Variants in VPS13B observed in about 807,000 individuals in gnomAD.
The protein encoded by VPS13B is intermembrane lipid transfer protein VPS13B.
VPS13B carries 285 observed loss-of-function variants against 426.4 expected under a neutral mutation model. The observed-to-expected ratio is 0.67, with a 90% CI of 0.61 to 0.74. The LOEUF is 0.74. VPS13B is among the 30% of genes least tolerant of loss of function. VPS13B has a pLI of 0.00. For synonymous variants in VPS13B, 1,676 were observed against 1,676.4 expected (o/e 1.00, Z 0.01); for missense variants, 4,537 against 4,782.6 (o/e 0.95, Z 1.51).
At chr8:99,570,229 T>C (rs774795705) in intron 31 of VPS13B, among the ~76,000 whole-genome samples, 3 of 152,194 alleles carry the variant, frequency 2.0e-5, no homozygotes, top group Non-Finnish European at 4.4e-5. Context: ...CTATGAATTC[T>C]TATATTTCAT....
At chr8:99,679,467 T>A (rs1831070696) in intron 35 of VPS13B, among the ~76,000 whole-genome samples, 1 of 152,178 alleles carries the variant, frequency 6.6e-6, no homozygotes, top group African/African-American at 2.4e-5. Flanking sequence ...TTGGGGAGGA[T>A]TATGAAATTT....
chr8:99,102,993 A>G lies in VPS13B; in HGVS notation c.453A>G (p.Val151=), dbSNP rs148436198. The G allele has an allele frequency of 3.1e-6, 5 of 1,611,994 alleles. No individual in the cohort carries two copies. The African/African-American group carries it at 6.7e-5, about 22-fold the overall frequency. ...TGATTAGACGAGTTGTAAATAATGT[A>G]AACATTGTGATAAATAATCTCATAC... ...QSLIRRVVNN[V]NIVINNLILK... The change falls in exon 5 of 62, where the codon GTA becomes GTG. Residue 151 remains valine (V), a synonymous_variant. Coordinates refer to ENST00000357162, the MANE Select transcript of VPS13B (RefSeq NM_152564.5).
At chr8:99,666,001 G>A (rs1047098681) in intron 35 of VPS13B, among the ~76,000 whole-genome samples, 2 of 152,136 alleles carry the variant, frequency 1.3e-5, no homozygotes, top group African/African-American at 4.8e-5. Flanking sequence ...TCATTGAGCA[G>A]TGGTTTGTAG....
intron 31 of VPS13B, among the ~76,000 whole-genome samples, chr8:99,568,289 TA>T (rs372790533): frequency 0.13 from 19,865 of 147,738 alleles, 1,655 homozygotes; most frequent in East Asian, 0.3. Flanking sequence ...TTATTATTAT[TA>T]TTATTATTAT....
At chr8:99,302,518 T>A (rs1037274052) in intron 19 of VPS13B, among the ~76,000 whole-genome samples, 1 of 152,180 alleles carries the variant, frequency 6.6e-6, no homozygotes, top group Admixed American at 6.5e-5. Context: ...ATTGATTTTT[T>A]TTTTTATTAA....
chr8:99,607,915 T>C (rs781759155), intron 33 of VPS13B, among the ~76,000 whole-genome samples: 2 of 152,146 alleles, frequency 1.3e-5, no homozygotes, highest in Non-Finnish European at 2.9e-5. Flanking sequence ...ACTGGCATTT[T>C]CTCAAATTTG....
chr8:99,464,096 G>A (rs902327866), intron 23 of VPS13B, among the ~76,000 whole-genome samples: 11 of 152,152 alleles, frequency 7.2e-5, no homozygotes, highest in African/African-American at 2.2e-4. Flanking sequence ...TCTCTCGAGT[G>A]TTATACTCAC....
chr8:99,871,164 A>G (rs1817389366), intron 60 of VPS13B: 2 of 602,024 alleles, frequency 3.3e-6, no homozygotes, highest in Non-Finnish European at 5.8e-6. Flanking sequence ...AGGGCCTGAG[A>G]TTCCCTGTGG....
Position 99,875,579 on chromosome 8 carries a change from T to C in VPS13B, c.11907T>C (p.His3969=). Residue 3969 remains histidine, a synonymous_variant, in exon 62 of 62, where the codon CAT becomes CAC. Transcript: ENST00000357162. ...CCCCCTCCACTGTTAAAACATACCATTACCTGGTTGATCCACATTTTGCTC... is the reference window on the plus strand; with the variant it reads ...CCCCCTCCACTGTTAAAACATACCACTACCTGGTTGATCCACATTTTGCTC... ...EPPPSTVKTY[H]YLVDPHFAQV... The C allele has an allele frequency of 6.2e-7, 1 of 1,614,174 alleles. No homozygotes were observed.
chr8:99,058,300 T>A lies in VPS13B; in HGVS notation c.291+19734T>A, dbSNP rs183561655. Reference sequence around the variant, plus strand: ...AAAAAAATATAATGCCCCCTTTTTTTATTTTTGTTTTAGAAAATATAGCTA... The same window carrying A: ...AAAAAAATATAATGCCCCCTTTTTTAATTTTTGTTTTAGAAAATATAGCTA... On this transcript the variant is annotated intron_variant, in intron 3 of 61. Transcript: ENST00000357162. Among the ~76,000 whole-genome samples, 956 of 151,998 alleles carry A rather than the reference T, an allele frequency of 6.3e-3. 5 individuals are homozygous for A. The highest frequency in any genetic ancestry group is 0.022 in the African/African-American group (896 of 41,552).
intron 17 of VPS13B, among the ~76,000 whole-genome samples, chr8:99,231,187 T>C (rs1478741529): frequency 6.6e-6 from 1 of 152,246 alleles, no homozygotes; most frequent in East Asian, 1.9e-4. Context: ...GCTGTTAGTT[T>C]CATGTATAGA....
chr8:99,122,950 T>TAA (rs1367192547), intron 8 of VPS13B, among the ~76,000 whole-genome samples: 2 of 142,214 alleles, frequency 1.4e-5, no homozygotes, highest in African/African-American at 2.6e-5. Flanking sequence ...CCATCTCTAC[T>TAA]AAAAAAAAAA....
intron 33 of VPS13B, among the ~76,000 whole-genome samples, chr8:99,593,143 A>G (rs1033863606): frequency 2.0e-5 from 3 of 152,138 alleles, no homozygotes; most frequent in Non-Finnish European, 4.4e-5. Flanking sequence ...AAAATGGGAG[A>G]AAAATTTTGC....
rs727504216 is a variant in VPS13B at position 99,121,315 on chromosome 8, A to G, written c.1076A>G (p.Tyr359Cys). 6.8e-6 allele frequency: 11 copies of G among 1,614,180 alleles called. No individual in the cohort carries two copies. In the African/African-American group the frequency reaches 1.5e-4, roughly 22 times the overall value. ...AWSFVPAIVSYDDGEEDFVGN... is the reference protein window; with the variant it reads ...AWSFVPAIVSCDDGEEDFVGN... ...TCCTTTGTGCCTGCAATTGTGAGTT[A>G]TGACGATGGCGAGGAAGACTTTGTT... is the stretch of plus-strand genomic sequence containing the variant. Residue 359 changes from tyrosine to cysteine, a missense_variant, in exon 8 of 62, where the codon TAT (tyrosine) becomes TGT (cysteine). Around this residue, in one of 2 missense-constraint regions of VPS13B, gnomAD observed 4,311 missense variants for 4,474.3 expected, o/e 0.96. Transcript: ENST00000357162.
rs149699945 is a variant in VPS13B at position 99,321,530 on chromosome 8, G to A, written c.2824+46276G>A. Among the ~76,000 whole-genome samples the A allele has an allele frequency of 8.5e-3, 1,297 of 152,134 alleles. 22 individuals carry two copies. The highest frequency in any genetic ancestry group is 0.029 in the African/African-American group (1,224 of 41,504). On this transcript the variant is annotated intron_variant, in intron 19 of 61. Transcript: ENST00000357162. ...GCCTATTCCAAATTTTCGAATGTGC[G>A]TAAATAATTAATATAGATGACTATA...
At chr8:99,641,773 T>C in intron 33 of VPS13B, 38 bp from the exon 34 acceptor site, 1 of 1,571,972 alleles carries the variant, frequency 6.4e-7, no homozygotes, top group East Asian at 2.3e-5. Context: ...ACTTGGCATG[T>C]AACTAGTTTG....
intron 3 of VPS13B, among the ~76,000 whole-genome samples, chr8:99,062,297 G>A (rs904439999): frequency 1.3e-5 from 2 of 152,096 alleles, no homozygotes; most frequent in Non-Finnish European, 2.9e-5. Flanking sequence ...TTCTTATTTA[G>A]GGTTCTGTTT....
At chr8:99,834,958 C>T (rs1417530767) in intron 52 of VPS13B, among the ~76,000 whole-genome samples, 1 of 152,178 alleles carries the variant, frequency 6.6e-6, no homozygotes, top group Non-Finnish European at 1.5e-5. Context: ...AATATTAGCA[C>T]AAGGTTAGCT....
At chr8:99,301,429 G>A (rs538477926) in intron 19 of VPS13B, among the ~76,000 whole-genome samples, 1 of 151,774 alleles carries the variant, frequency 6.6e-6, no homozygotes, top group Non-Finnish European at 1.5e-5. Flanking sequence ...GAGTAGCTGG[G>A]ATTACAGGCA....
Sources: allele counts gnomAD v4.1 joint callset (sites outside exome capture counted in the v4.1 genomes callset), GRCh38; gene constraint gnomAD v4.1.1; regional missense constraint gnomAD v4.1.1; transcripts MANE v1.5; gene names NCBI Gene and HGNC (gene_info 2026-07-23, HGNC 2026-07-21).